PRKN: variants seen among roughly 807,000 people sequenced by gnomAD.
PRKN encodes the protein E3 ubiquitin-protein ligase parkin.
Under a neutral mutation model 59.5 loss-of-function variants are expected in PRKN, and 56 were observed. That is an observed-to-expected ratio of 0.94 (90% CI 0.76 to 1.18). The LOEUF is 1.18. PRKN is among the 50% of genes most tolerant of loss of function. The pLI is 0.00. For synonymous variants in PRKN, 250 were observed against 222.1 expected (o/e 1.13, Z -1.12); for missense variants, 657 against 596.4 (o/e 1.10, Z -1.06).
At chr6:161,709,411 A>T (rs1202269503) in intron 7 of PRKN, among the ~76,000 whole-genome samples, 2 of 152,030 alleles carry the variant, frequency 1.3e-5, no homozygotes, top group Non-Finnish European at 2.9e-5. Flanking sequence ...CTCTTTTTTC[A>T]GAGAAAAAGT....
chr6:161,798,070 A>G (rs545384454), intron 6 of PRKN, among the ~76,000 whole-genome samples: 5 of 152,228 alleles, frequency 3.3e-5, no homozygotes, highest in African/African-American at 9.6e-5. Context: ...GCGTGGTGGC[A>G]CGCACCTGTA....
At chr6:161,569,716 A>C (rs1215318150) in intron 7 of PRKN, among the ~76,000 whole-genome samples, 1 of 152,194 alleles carries the variant, frequency 6.6e-6, no homozygotes, top group Non-Finnish European at 1.5e-5. Flanking sequence ...GGTTCTTAGA[A>C]ACATGTTCAG....
chr6:162,489,212 T>C (rs1429709443), intron 1 of PRKN, among the ~76,000 whole-genome samples: 1 of 152,152 alleles, frequency 6.6e-6, no homozygotes, highest in East Asian at 1.9e-4. Context: ...TCAAATTTAC[T>C]CCAATGCACA....
rs571806339 is a variant in PRKN, at chr6:162,623,932, C to A, written c.7+103730G>T. Among the ~76,000 whole-genome samples the A allele has an allele frequency of 2.6e-5, 4 of 152,220 alleles. No homozygotes were observed. The East Asian group carries it at 5.8e-4, about 22-fold the overall frequency. On this transcript the variant is annotated intron_variant, in intron 1 of 11. Coordinates refer to ENST00000366898, the MANE Select transcript of PRKN (RefSeq NM_004562.3). ...CTTCATTCAGGGTCCTGAGATACCACAAAGACACCGTTTTTCTCAAACAAA... is the reference window on the plus strand; with the variant it reads ...CTTCATTCAGGGTCCTGAGATACCAAAAAGACACCGTTTTTCTCAAACAAA...
At chr6:162,618,830 A>G (rs190998879) in intron 1 of PRKN, among the ~76,000 whole-genome samples, 4 of 152,332 alleles carry the variant, frequency 2.6e-5, no homozygotes, top group African/African-American at 9.6e-5. Context: ...ATGTGTAGAG[A>G]AAAACCAATA....
intron 2 of PRKN, among the ~76,000 whole-genome samples, chr6:162,285,228 G>T (rs1781126665): frequency 6.7e-6 from 1 of 149,790 alleles, no homozygotes; most frequent in Non-Finnish European, 1.5e-5. Context: ...TTCTATAGCA[G>T]CAGGCATGTA....
chr6:162,463,775 C>T (rs967466391), intron 1 of PRKN, among the ~76,000 whole-genome samples: 3 of 152,130 alleles, frequency 2.0e-5, no homozygotes, highest in East Asian at 3.9e-4. Flanking sequence ...TATGATTTCT[C>T]ACAAAGGCAT....
At chr6:162,340,149 A>T (rs895699606) in intron 2 of PRKN, among the ~76,000 whole-genome samples, 7 of 144,914 alleles carry the variant, frequency 4.8e-5, no homozygotes, top group Admixed American at 4.8e-4. Flanking sequence ...AAATAAATTA[A>T]AAAAAAAAAA....
intron 3 of PRKN, among the ~76,000 whole-genome samples, chr6:162,224,058 C>G (rs975852364): frequency 2.0e-5 from 3 of 151,870 alleles, no homozygotes; most frequent in African/African-American, 7.3e-5. Context: ...TCGATGGCCC[C>G]TCATAGATAC....
At chr6:161,509,388 G>A (rs4708914) in intron 9 of PRKN, among the ~76,000 whole-genome samples, 92,064 of 151,714 alleles carry the variant, frequency 0.61, 28,550 homozygotes, top group Middle Eastern at 0.75. Context: ...GCAAAGCCTC[G>A]AAAAAGAGAG....
At chr6:161,595,584 G>T (rs1302132890) in intron 7 of PRKN, among the ~76,000 whole-genome samples, 1 of 152,168 alleles carries the variant, frequency 6.6e-6, no homozygotes, top group African/African-American at 2.4e-5. Context: ...GAAAGCCCAG[G>T]ACTCTTCACG....
chr6:161,491,551 C>T (rs1049040940), intron 9 of PRKN, among the ~76,000 whole-genome samples: 2 of 152,160 alleles, frequency 1.3e-5, no homozygotes, highest in Admixed American at 6.5e-5. Context: ...TAAAGACACA[C>T]ATTTCAGAGT....
chr6:161,850,574 C>CAAA (rs10651778), intron 6 of PRKN, among the ~76,000 whole-genome samples: 2,301 of 87,636 alleles, frequency 0.026, 122 homozygotes, highest in East Asian at 0.058. Context: ...GACTACGTCT[C>CAAA]AAAAAAAAAA....
At chr6:161,523,059 T>A (rs2115363389) in intron 9 of PRKN, among the ~76,000 whole-genome samples, 1 of 152,320 alleles carries the variant, frequency 6.6e-6, no homozygotes, top group Non-Finnish European at 1.5e-5. Flanking sequence ...GAAAAATATA[T>A]TCTTGCTTTT....
chr6:162,573,950 CAACTA>C (rs1483049710), intron 1 of PRKN, among the ~76,000 whole-genome samples: 2 of 152,134 alleles, frequency 1.3e-5, no homozygotes, highest in African/African-American at 4.8e-5. Flanking sequence ...CCATCCAAAG[CAACTA>C]CTTCAAATTT....
intron 6 of PRKN, among the ~76,000 whole-genome samples, chr6:161,886,208 T>C (rs1338570058): frequency 1.3e-5 from 2 of 152,324 alleles, no homozygotes; most frequent in Non-Finnish European, 2.9e-5. Flanking sequence ...AAATGATAAA[T>C]GATGTGATAC....
At chr6:161,819,192 T>C (rs1791916164) in intron 6 of PRKN, among the ~76,000 whole-genome samples, 1 of 152,136 alleles carries the variant, frequency 6.6e-6, no homozygotes, top group African/African-American at 2.4e-5. Flanking sequence ...AATACAGATG[T>C]GATACCCTTT....
chr6:162,162,397 C>T (rs945468327), intron 4 of PRKN, among the ~76,000 whole-genome samples: 1 of 152,122 alleles, frequency 6.6e-6, no homozygotes, highest in African/African-American at 2.4e-5. Context: ...ATTTTGGTAT[C>T]GGTGAGGAGT....
At position 161,548,333 on chromosome 6, in the gene PRKN, G is replaced by A. The variant is rs981218544; in HGVS notation, c.1083+521C>T. ...AAACATTTTCCACATTTCTTATTCT[G>A]CTTCCATAAGAGACACCATTAGTTT... On this transcript the variant is annotated intron_variant, in intron 9 of 11. Transcript: ENST00000366898. The surrounding 1 kb of genome is among the most constrained non-coding windows in gnomAD (Gnocchi z 4.2). 3.9e-5 allele frequency among the ~76,000 whole-genome samples: 6 copies of A among 152,124 alleles called. No individual in the cohort carries two copies. The highest frequency in any genetic ancestry group is 1.4e-4 in the African/African-American group (6 of 41,424).
Sources: gnomAD v4.1 joint callset for allele counts (sites outside exome capture counted in the v4.1 genomes callset) on GRCh38, gnomAD v4.1.1 for gene constraint, Gnocchi (gnomAD v3.1) non-coding constraint, MANE v1.5 for transcripts, NCBI Gene and HGNC (gene_info 2026-07-23, HGNC 2026-07-21) for gene names.